TEX11: variants seen among roughly 807,000 people sequenced by gnomAD.
TEX11 encodes the protein testis-expressed protein 11.
TEX11 carries 7 observed loss-of-function variants against 84.4 expected under a neutral mutation model. The ratio of observed to expected loss-of-function variants is 0.08; its 90% CI spans 0.05 to 0.16. The LOEUF is 0.16. Among genes scored for constraint, TEX11 ranks in the 10% least tolerant of loss-of-function variants. TEX11 has a pLI of 1.00. For missense variants in TEX11, 551 were observed against 660.5 expected (o/e 0.83, Z 1.82); for synonymous variants, 264 against 222.8 (o/e 1.18, Z -1.64).
intron 7 of TEX11, among the ~76,000 whole-genome samples, chrX:70,835,538 G>A (rs1440149602): frequency 8.9e-6 from 1 of 111,964 alleles, no homozygotes; most frequent in Non-Finnish European, 1.9e-5. Flanking sequence ...CTCACAACTT[G>A]GGGAGACTGT....
intron 18 of TEX11, among the ~76,000 whole-genome samples, chrX:70,627,377 G>A: frequency 8.9e-6 from 1 of 112,229 alleles, no homozygotes; most frequent in African/African-American, 3.2e-5. Flanking sequence ...GACAAAGTGA[G>A]TGAGAAAAAG....
intron 13 of TEX11, among the ~76,000 whole-genome samples, chrX:70,720,080 T>C (rs1370930944): frequency 1.8e-5 from 2 of 112,078 alleles, no homozygotes; most frequent in African/African-American, 6.5e-5. Context: ...CGTATGTTCA[T>C]TGTGGCACTA....
At chrX:70,822,641 T>G (rs2091324146) in intron 8 of TEX11, among the ~76,000 whole-genome samples, 1 of 111,510 alleles carries the variant, frequency 9.0e-6, no homozygotes, top group Admixed American at 9.6e-5. Context: ...TCACATTTTC[T>G]GTCACTCCTA....
intron 9 of TEX11, among the ~76,000 whole-genome samples, chrX:70,766,533 T>G (rs980047977): frequency 9.0e-6 from 1 of 111,270 alleles, no homozygotes; most frequent in African/African-American, 3.3e-5. Flanking sequence ...ACCAATACTG[T>G]TAACATGTCC....
At chrX:70,840,466 G>C (rs1284876169) in intron 7 of TEX11, among the ~76,000 whole-genome samples, 3 of 111,569 alleles carry the variant, frequency 2.7e-5, no homozygotes, top group Non-Finnish European at 5.6e-5. Flanking sequence ...CCCTAAAAGA[G>C]CTCCTGAAGG....
At chrX:70,663,286 TA>T (rs2089947090) in intron 16 of TEX11, among the ~76,000 whole-genome samples, 1 of 111,795 alleles carries the variant, frequency 8.9e-6, no homozygotes, top group African/African-American at 3.2e-5. Flanking sequence ...CACTCTATTT[TA>T]AGAAAATCCA....
At chrX:70,712,763 C>T (rs1262732389) in intron 13 of TEX11, among the ~76,000 whole-genome samples, 8 of 110,577 alleles carry the variant, frequency 7.2e-5, no homozygotes, top group Non-Finnish European at 1.1e-4. Flanking sequence ...TCCTCTTTTC[C>T]TAATTGAATA....
chrX:70,903,720 G>A lies in TEX11; in HGVS notation c.37+4033C>T, dbSNP rs187677961. Among the ~76,000 whole-genome samples the A allele has an allele frequency of 4.1e-4, 45 of 110,338 alleles. 2 individuals are homozygous for A. Among genetic ancestry groups the A allele is most frequent in the Non-Finnish European group, 6.2e-4 (33 of 52,967 alleles). On this transcript the variant is annotated intron_variant, in intron 2 of 29. Coordinates refer to ENST00000374333, the MANE Select transcript of TEX11 (RefSeq NM_031276.3). ...ATGCTCAATCTGAAGACACTTTCCG[G>A]GGTACAAGATAAGTTATCTTCAAAT...
intron 2 of TEX11, among the ~76,000 whole-genome samples, chrX:70,888,523 TAGTC>T (rs750657750): frequency 1.2e-3 from 134 of 111,408 alleles, no homozygotes; most frequent in African/African-American, 4.2e-3. Context: ...TGAAAATACA[TAGTC>T]AGAGGAGACA....
intron 2 of TEX11, among the ~76,000 whole-genome samples, chrX:70,882,728 C>T (rs2091689721): frequency 9.1e-6 from 1 of 109,567 alleles, no homozygotes; most frequent in Non-Finnish European, 1.9e-5. Flanking sequence ...TGCAGTTAAG[C>T]TATGATCATG....
intron 5 of TEX11, among the ~76,000 whole-genome samples, chrX:70,858,066 AG>A (rs1176939308): frequency 9.1e-6 from 1 of 109,479 alleles, no homozygotes; most frequent in Non-Finnish European, 1.9e-5. Context: ...GAAGAGTGGG[AG>A]GGGGGCAAGG....
At chrX:70,602,035 C>A (rs1159613883) in intron 24 of TEX11, among the ~76,000 whole-genome samples, 1 of 111,159 alleles carries the variant, frequency 9.0e-6, no homozygotes, top group African/African-American at 3.3e-5. Context: ...ATGGCCCATC[C>A]CCAATGAGCC....
intron 9 of TEX11, among the ~76,000 whole-genome samples, chrX:70,759,236 GA>G (rs766891088): frequency 4.5e-5 from 5 of 111,602 alleles, no homozygotes; most frequent in Non-Finnish European, 9.4e-5. Flanking sequence ...CCAATCAATA[GA>G]AAAAGAGGGA....
In TEX11 at chrX:70,778,715, C is replaced by T. The variant is rs998099192; in HGVS notation, c.692+27990G>A. On this transcript the variant is annotated intron_variant, in intron 9 of 29. Coordinates refer to ENST00000374333, the MANE Select transcript of TEX11 (RefSeq NM_031276.3). ...CTTGCTACGATGCCTAGGCTGGTCT[C>T]AAACTCCTGGGCTCAAGCGATCCTT... is the stretch of plus-strand genomic sequence containing the variant. 7.2e-5 allele frequency among the ~76,000 whole-genome samples: 8 copies of T among 110,919 alleles called. No homozygotes were observed. The East Asian group carries it at 1.7e-3, about 23-fold the overall frequency.
intron 16 of TEX11, among the ~76,000 whole-genome samples, chrX:70,668,497 T>C (rs923045857): frequency 8.9e-6 from 1 of 112,257 alleles, no homozygotes; most frequent in Non-Finnish European, 1.9e-5. Context: ...AAGGATGAAA[T>C]GGAGAAATAT....
chrX:70,753,465 G>C (rs2090844813), intron 9 of TEX11, among the ~76,000 whole-genome samples: 1 of 72,514 alleles, frequency 1.4e-5, no homozygotes, highest in Non-Finnish European at 3.1e-5. Context: ...CCTAGCTCCT[G>C]AACATTTTTC....
chrX:70,727,061 C>T (rs1423240553), intron 11 of TEX11, among the ~76,000 whole-genome samples: 1 of 111,143 alleles, frequency 9.0e-6, no homozygotes, highest in Non-Finnish European at 1.9e-5. Flanking sequence ...AAACAGGCTC[C>T]AGGTACAACA....
the TEX11 span, among the ~76,000 whole-genome samples, chrX:70,519,250 C>G: frequency 8.9e-6 from 1 of 111,777 alleles, no homozygotes; most frequent in African/African-American, 3.3e-5. Flanking sequence ...GTGGCTGGTA[C>G]GGGTTGTTCC....
At chrX:70,786,029 T>C (rs1357330320) in intron 9 of TEX11, among the ~76,000 whole-genome samples, 26 of 112,104 alleles carry the variant, frequency 2.3e-4, no homozygotes, top group Non-Finnish European at 4.1e-4. Context: ...CATATGTTTA[T>C]TGTGGCACTA....
Sources: gnomAD v4.1 joint callset for allele counts (sites outside exome capture counted in the v4.1 genomes callset) on GRCh38, gnomAD v4.1.1 for gene constraint, MANE v1.5 for transcripts, NCBI Gene and HGNC (gene_info 2026-07-23, HGNC 2026-07-21) for gene names.